THSD7B: variants seen among roughly 807,000 people sequenced by gnomAD.
THSD7B encodes thrombospondin type-1 domain-containing protein 7B.
THSD7B carries 138 observed loss-of-function variants against 213.6 expected under a neutral mutation model. The ratio of observed to expected loss-of-function variants is 0.65; its 90% CI spans 0.56 to 0.74. The LOEUF is 0.74. THSD7B is among the 30% of genes least tolerant of loss of function. THSD7B has a pLI of 0.00. For synonymous variants in THSD7B, 742 were observed against 687.0 expected (o/e 1.08, Z -1.25); for missense variants, 1,931 against 1,991.5 (o/e 0.97, Z 0.58).
At chr2:137,393,386 C>T (rs973563152) in intron 12 of THSD7B, among the ~76,000 whole-genome samples, 8 of 151,454 alleles carry the variant, frequency 5.3e-5, no homozygotes, top group East Asian at 3.9e-4. Context: ...GTTCAATTCC[C>T]ACCTATGAGT....
At chr2:137,219,901 T>C (rs1558963090) in intron 7 of THSD7B, among the ~76,000 whole-genome samples, 1 of 152,190 alleles carries the variant, frequency 6.6e-6, no homozygotes, top group South Asian at 2.1e-4. Context: ...TGACAGGATG[T>C]TATAGTGCTA....
At chr2:137,579,122 G>A (rs1424937627) in intron 17 of THSD7B, among the ~76,000 whole-genome samples, 1 of 152,154 alleles carries the variant, frequency 6.6e-6, no homozygotes, top group African/African-American at 2.4e-5. Context: ...ACCAGTATAT[G>A]AGCAGTGTTT....
At chr2:137,652,572 G>C (rs1025460142) in intron 21 of THSD7B, among the ~76,000 whole-genome samples, 1 of 151,956 alleles carries the variant, frequency 6.6e-6, no homozygotes, top group Non-Finnish European at 1.5e-5. Context: ...TTATTGATAG[G>C]AACTTGCTAC....
At chr2:137,659,467 G>A (rs1444546239) in intron 24 of THSD7B, among the ~76,000 whole-genome samples, 197 bp from the exon 25 acceptor site, 2 of 152,130 alleles carry the variant, frequency 1.3e-5, no homozygotes, top group African/African-American at 4.8e-5. Flanking sequence ...AATAGCCTCT[G>A]TTAGAAGAGC....
At chr2:137,273,190 A>G (rs190935564) in intron 11 of THSD7B, among the ~76,000 whole-genome samples, 96 of 152,166 alleles carry the variant, frequency 6.3e-4, no homozygotes, top group African/African-American at 2.3e-3. Context: ...AATTTTTGTG[A>G]TACACAATTT....
chr2:137,598,409 C>A (rs1026245356), intron 17 of THSD7B, among the ~76,000 whole-genome samples: 2 of 152,148 alleles, frequency 1.3e-5, no homozygotes, highest in Non-Finnish European at 2.9e-5. Context: ...GATTCTTCAG[C>A]ATTTAGGACC....
intron 10 of THSD7B, among the ~76,000 whole-genome samples, chr2:137,247,040 A>G (rs1286351400): frequency 1.3e-5 from 2 of 152,174 alleles, no homozygotes; most frequent in Non-Finnish European, 2.9e-5. Flanking sequence ...CTAATATTTT[A>G]CAATATGTCT....
At chr2:137,410,383 C>T (rs1286016976) in intron 13 of THSD7B, among the ~76,000 whole-genome samples, 1 of 152,060 alleles carries the variant, frequency 6.6e-6, no homozygotes, top group African/African-American at 2.4e-5. Flanking sequence ...ATTCTCCTAC[C>T]TCTGCCTCCT....
intron 5 of THSD7B, among the ~76,000 whole-genome samples, chr2:137,154,717 T>C (rs569277351): frequency 6.6e-6 from 1 of 152,302 alleles, no homozygotes; most frequent in South Asian, 2.1e-4. Context: ...TTCTTTACAA[T>C]GGCAGTCACA....
At chr2:136,902,199 A>G (rs1292863219) in intron 2 of THSD7B, among the ~76,000 whole-genome samples, 1 of 152,156 alleles carries the variant, frequency 6.6e-6, no homozygotes, top group Non-Finnish European at 1.5e-5. Context: ...AGAGGGAAGG[A>G]TGCATGCAGG....
intron 12 of THSD7B, among the ~76,000 whole-genome samples, chr2:137,382,646 C>T (rs1685803720): frequency 6.6e-6 from 1 of 152,228 alleles, no homozygotes; most frequent in Admixed American, 6.5e-5. Flanking sequence ...TGCATTCATG[C>T]ATAACAATCC....
chr2:137,259,215 T>C (rs1187236638), intron 10 of THSD7B, among the ~76,000 whole-genome samples: 1 of 152,168 alleles, frequency 6.6e-6, no homozygotes, highest in African/African-American at 2.4e-5. Flanking sequence ...ATGGGGTTGG[T>C]GGGTCAAATG....
intron 1 of THSD7B, among the ~76,000 whole-genome samples, chr2:136,779,120 A>G (rs1681672014): frequency 6.6e-6 from 1 of 152,000 alleles, no homozygotes; most frequent in Admixed American, 6.6e-5. Flanking sequence ...AAACTTGAGT[A>G]CATTGGATCT....
intron 10 of THSD7B, among the ~76,000 whole-genome samples, chr2:137,249,523 C>G (rs978592213): frequency 2.0e-5 from 3 of 152,140 alleles, no homozygotes; most frequent in Non-Finnish European, 2.9e-5. Flanking sequence ...CTCCATTACT[C>G]CGTCTTCTTC....
intron 1 of THSD7B, among the ~76,000 whole-genome samples, chr2:136,819,606 T>G (rs1203711963): frequency 6.6e-6 from 1 of 152,138 alleles, no homozygotes; most frequent in Non-Finnish European, 1.5e-5. Context: ...AACATGGGAC[T>G]TGGGATGGCC....
chr2:137,572,518 G>C lies in THSD7B; in HGVS notation c.3385G>C (p.Val1129Leu). The part of the protein sequence containing the change: ...SCSLMCPNEC[V>L]MSEWGLWSKC... ...TTCTCTTATGTGTCCCAATGAGTGT[G>C]TCATGTCTGAGTGGGGACTTTGGAG... Residue 1129 changes from valine to leucine, a missense_variant, in exon 17 of 28, where the codon GTC becomes CTC. Physicochemically the swap from Val to Leu is conservative, Grantham distance 32. Transcript: ENST00000409968. The C allele has an allele frequency of 6.2e-7, 1 of 1,613,902 alleles. No individual in the cohort carries two copies. The highest frequency in any genetic ancestry group is 8.5e-7 in the Non-Finnish European group (1 of 1,179,838).
chr2:137,199,663 T>C (rs1680837053), intron 7 of THSD7B, among the ~76,000 whole-genome samples: 1 of 152,190 alleles, frequency 6.6e-6, no homozygotes, highest in African/African-American at 2.4e-5. Flanking sequence ...TGAATATCAC[T>C]AAAACACTCT....
chr2:137,622,197 T>A (rs1388302987), intron 20 of THSD7B, among the ~76,000 whole-genome samples: 1 of 152,020 alleles, frequency 6.6e-6, no homozygotes, highest in East Asian at 1.9e-4. Context: ...ATTCCACAGG[T>A]GAATCTAAAA....
intron 1 of THSD7B, among the ~76,000 whole-genome samples, chr2:136,779,446 G>A (rs895478991): frequency 2.0e-5 from 3 of 151,992 alleles, no homozygotes; most frequent in African/African-American, 7.3e-5. Flanking sequence ...CTTTTCTTAT[G>A]AGTATTGTAA....
Sources: allele counts gnomAD v4.1 joint callset (sites outside exome capture counted in the v4.1 genomes callset), GRCh38; gene constraint gnomAD v4.1.1; transcripts MANE v1.5; gene names NCBI Gene and HGNC (gene_info 2026-07-23, HGNC 2026-07-21).